LOXHD1: variants seen among roughly 807,000 people sequenced by gnomAD.
The protein encoded by LOXHD1 is lipoxygenase homology PLAT domains 1.
A neutral mutation model predicts 248.2 loss-of-function variants in LOXHD1; 205 were observed. The observed-to-expected ratio is 0.83, with a 90% CI of 0.74 to 0.93. The LOEUF (loss-of-function observed/expected upper bound fraction) is 0.93. LOXHD1 is among the 40% of genes least tolerant of loss of function. The pLI, the probability that LOXHD1 is intolerant of heterozygous loss-of-function variation, is 0.00. For missense variants in LOXHD1, 2,930 were observed against 2,971.6 expected (o/e 0.99, Z 0.33); for synonymous variants, 1,113 against 1,162.8 (o/e 0.96, Z 0.87).
At chr18:46,531,217 C>A (rs1341668457) in intron 28 of LOXHD1, among the ~76,000 whole-genome samples, 3 of 152,064 alleles carry the variant, frequency 2.0e-5, no homozygotes, top group African/African-American at 7.3e-5. Context: ...CAGGGACCAG[C>A]CACACTTGCT....
intron 2 of LOXHD1, among the ~76,000 whole-genome samples, chr18:46,645,519 C>T (rs1568232537): frequency 6.6e-6 from 1 of 152,228 alleles, no homozygotes; most frequent in Non-Finnish European, 1.5e-5. Context: ...TTGCCATATT[C>T]TGAACACATG....
At chr18:46,593,127 T>G (rs1599035125) in intron 10 of LOXHD1, among the ~76,000 whole-genome samples, 1 of 151,804 alleles carries the variant, frequency 6.6e-6, no homozygotes, top group South Asian at 2.1e-4. Flanking sequence ...AAGGTTGAAA[T>G]AGCACTTCCA....
intron 34 of LOXHD1, among the ~76,000 whole-genome samples, chr18:46,510,559 C>T (rs1451965677): frequency 6.6e-6 from 1 of 152,180 alleles, no homozygotes; most frequent in East Asian, 1.9e-4. Flanking sequence ...TGACTGATTC[C>T]AGATGATACT....
intron 23 of LOXHD1, among the ~76,000 whole-genome samples, chr18:46,543,599 G>C (rs1330614257): frequency 6.6e-6 from 1 of 152,000 alleles, no homozygotes; most frequent in Non-Finnish European, 1.5e-5. Context: ...CTCGGTGTAT[G>C]ATGTTCCTCT....
chr18:46,516,003 A>G (rs1301618946), intron 34 of LOXHD1, among the ~76,000 whole-genome samples: 1 of 152,200 alleles, frequency 6.6e-6, no homozygotes, highest in Admixed American at 6.5e-5. Context: ...ACCAAAAATA[A>G]TGCTTCACTA....
intron 37 of LOXHD1, among the ~76,000 whole-genome samples, chr18:46,501,075 C>T (rs1156972553): frequency 6.6e-6 from 1 of 152,174 alleles, no homozygotes; most frequent in African/African-American, 2.4e-5. Context: ...CCTACTCTGT[C>T]CCTAGCACTG....
At chr18:46,566,124 A>G (rs879654701) in intron 17 of LOXHD1, 133 bp downstream of exon 17, 1 of 965,038 alleles carries the variant, frequency 1.0e-6, no homozygotes, top group Admixed American at 3.0e-5. Flanking sequence ...GAAAGCCCCC[A>G]TTTTCTCCCT....
intron 8 of LOXHD1, among the ~76,000 whole-genome samples, chr18:46,599,410 G>GA (rs1443124868): frequency 3.3e-5 from 5 of 151,876 alleles, no homozygotes; most frequent in South Asian, 4.2e-4. Flanking sequence ...TATCTCCATG[G>GA]AAAAAAATAA....
At chr18:46,543,081 G>T (rs1174203862) in intron 23 of LOXHD1, among the ~76,000 whole-genome samples, 1 of 152,114 alleles carries the variant, frequency 6.6e-6, no homozygotes, top group Non-Finnish European at 1.5e-5. Flanking sequence ...ACATGGGTGA[G>T]TTAGTAGTGA....
chr18:46,604,908 C>T (rs1384382050), intron 6 of LOXHD1, among the ~76,000 whole-genome samples: 3 of 152,156 alleles, frequency 2.0e-5, no homozygotes, highest in East Asian at 1.9e-4. Context: ...TAGAATGTGT[C>T]CTCCAGTCAT....
chr18:46,575,932 C>T (rs113035477), intron 14 of LOXHD1, among the ~76,000 whole-genome samples: 2 of 152,186 alleles, frequency 1.3e-5, no homozygotes, highest in Admixed American at 6.5e-5. Context: ...CCTCCATCTA[C>T]CTGCCTGTCT....
At chr18:46,490,533 T>G (rs563869319) in intron 37 of LOXHD1, among the ~76,000 whole-genome samples, 1 of 152,238 alleles carries the variant, frequency 6.6e-6, no homozygotes, top group Admixed American at 6.5e-5. Flanking sequence ...TGGAGTGCAA[T>G]GGCATGATCT....
intron 29 of LOXHD1, 34 bp downstream of exon 29, chr18:46,529,143 G>A: frequency 6.4e-7 from 1 of 1,550,988 alleles, no homozygotes; most frequent in Non-Finnish European, 8.7e-7. Context: ...CTGGAGAGGA[G>A]GGAAGGAGGG....
intron 30 of LOXHD1, 50 bp from the exon 31 acceptor site, chr18:46,524,651 G>C: frequency 6.4e-7 from 1 of 1,551,194 alleles, no homozygotes; most frequent in Non-Finnish European, 8.7e-7. Flanking sequence ...CCTCCACCTC[G>C]AGGGACCTCC....
intron 33 of LOXHD1, among the ~76,000 whole-genome samples, chr18:46,519,794 G>A (rs1285803396): frequency 6.6e-6 from 1 of 152,160 alleles, no homozygotes; most frequent in East Asian, 1.9e-4. Flanking sequence ...TGTAATAAGT[G>A]TGCTTCCAAA....
chr18:46,560,302 C>T lies in LOXHD1; in HGVS notation c.2842G>A (p.Glu948Lys), dbSNP rs531175489. The change falls in exon 19 of 41, where the codon GAA becomes AAA. Residue 948 changes from glutamate (E) to lysine (K), a missense_variant. Coordinates refer to ENST00000642948, the MANE Select transcript of LOXHD1 (RefSeq NM_001384474.1). Reference sequence around the variant, plus strand: ...TCCTCTTCCTCCCCCTCGTCCTCTTCGTCGCTGCCCTTCCTCTTCTTCTTC... The same window carrying T: ...TCCTCTTCCTCCCCCTCGTCCTCTTTGTCGCTGCCCTTCCTCTTCTTCTTC... ...RKKKKRKGSD[E>K]EDEGEEEESS... 54 of 1,551,900 alleles carry T rather than the reference C, an allele frequency of 3.5e-5. No individual in the cohort carries two copies. Among genetic ancestry groups the T allele is most frequent in the Non-Finnish European group, 4.7e-5 (54 of 1,147,088 alleles).
chr18:46,551,526 G>A (rs964076366), intron 21 of LOXHD1, among the ~76,000 whole-genome samples: 2 of 152,078 alleles, frequency 1.3e-5, no homozygotes, highest in Non-Finnish European at 2.9e-5. Context: ...GCAGCACAAA[G>A]GAGGGAAGGA....
intron 2 of LOXHD1, among the ~76,000 whole-genome samples, chr18:46,644,527 G>A (rs1213197499): frequency 2.0e-5 from 3 of 152,162 alleles, no homozygotes; most frequent in African/African-American, 7.2e-5. Context: ...AGACCAGCCT[G>A]GCCAACATAG....
intron 10 of LOXHD1, 50 bp from the exon 11 acceptor site, chr18:46,592,634 T>C: frequency 3.4e-6 from 5 of 1,450,610 alleles, no homozygotes; most frequent in Non-Finnish European, 3.8e-6. Context: ...AAGAAATGTG[T>C]TTATTCTCAT....
Sources: gnomAD v4.1 joint callset for allele counts (sites outside exome capture counted in the v4.1 genomes callset) on GRCh38, gnomAD v4.1.1 for gene constraint, MANE v1.5 for transcripts, NCBI Gene and HGNC (gene_info 2026-07-23, HGNC 2026-07-21) for gene names.